Variants in THADA observed in about 807,000 individuals in gnomAD.
THADA encodes the protein tRNA (32-2'-O)-methyltransferase regulator THADA.
In THADA, 213 loss-of-function variants were observed where a neutral mutation model predicts 219.8. The observed-to-expected ratio is 0.97, with a 90% CI of 0.87 to 1.09. The LOEUF is 1.09. Ranked by LOEUF, THADA falls within the 50% of genes least tolerant of loss-of-function variation. The pLI, the probability that THADA is intolerant of heterozygous loss-of-function variation, is 0.00. For synonymous variants in THADA, 1,018 were observed against 828.9 expected, an observed-to-expected ratio of 1.23 and a Z score of -3.92; for missense variants, 2,956 against 2,311.3, an observed-to-expected ratio of 1.28 and a Z score of -5.72.
At chr2:43,532,018 G>A (rs1283462009) in intron 21 of THADA, among the ~76,000 whole-genome samples, 21 of 150,682 alleles carry the variant, frequency 1.4e-4, no homozygotes, top group African/African-American at 5.1e-4. Flanking sequence ...TTTAAAATCA[G>A]GAACAAGATA....
At chr2:43,319,922 T>C (rs772993311) in intron 31 of THADA, among the ~76,000 whole-genome samples, 1 of 152,162 alleles carries the variant, frequency 6.6e-6, no homozygotes, top group East Asian at 1.9e-4. Flanking sequence ...AAATCATGAT[T>C]AAAATAGAGC....
chr2:43,358,421 G>A (rs1345155750), intron 29 of THADA, among the ~76,000 whole-genome samples: 1 of 152,102 alleles, frequency 6.6e-6, no homozygotes, highest in Non-Finnish European at 1.5e-5. Flanking sequence ...TGTGCCCAAT[G>A]TGGCTGAAGA....
intron 26 of THADA, among the ~76,000 whole-genome samples, chr2:43,480,662 C>T (rs1444701747): frequency 2.0e-5 from 3 of 150,954 alleles, no homozygotes; most frequent in Admixed American, 6.6e-5. Context: ...AAAAAAATTT[C>T]AAAAAATTAG....
chr2:43,578,670 A>G, intron 8 of THADA, 63 bp from the exon 9 acceptor site: 1 of 1,257,208 alleles, frequency 8.0e-7, no homozygotes, highest in Admixed American at 2.1e-5. Context: ...GAGTGGAAAG[A>G]GCAGATGCTG....
At chr2:43,464,107 CA>C (rs1166488014) in intron 26 of THADA, among the ~76,000 whole-genome samples, 1 of 151,904 alleles carries the variant, frequency 6.6e-6, no homozygotes, top group Non-Finnish European at 1.5e-5. Context: ...GAAATAAATC[CA>C]CTTTTGTATG....
intron 30 of THADA, among the ~76,000 whole-genome samples, chr2:43,327,602 T>A (rs1041306539): frequency 2.0e-5 from 3 of 152,114 alleles, no homozygotes; most frequent in Non-Finnish European, 4.4e-5. Context: ...CTCCTGCCCT[T>A]TATTTAAAAT....
chr2:43,535,907 C>T lies in THADA; in HGVS notation c.3264+5252G>A, dbSNP rs561141745. Among the ~76,000 whole-genome samples the T allele has an allele frequency of 9.9e-5, 15 of 151,992 alleles. No homozygotes were observed. In the South Asian group the frequency reaches 2.3e-3, roughly 23 times the overall value. Reference sequence around the variant, plus strand: ...GCGATCTCTGCCTCCTGGGTTCAAGCGATTCTCCTGCCTCAGCCTCTCGAG... The same window carrying T: ...GCGATCTCTGCCTCCTGGGTTCAAGTGATTCTCCTGCCTCAGCCTCTCGAG... On this transcript the variant is annotated intron_variant, in intron 21 of 37. Coordinates refer to ENST00000405975, the MANE Select transcript of THADA (RefSeq NM_022065.5).
chr2:43,517,210 C>T (rs548659498), intron 22 of THADA, among the ~76,000 whole-genome samples: 1 of 152,216 alleles, frequency 6.6e-6, no homozygotes, highest in African/African-American at 2.4e-5. Context: ...ACCCCCACTC[C>T]CTTAGGGAAC....
intron 28 of THADA, among the ~76,000 whole-genome samples, chr2:43,410,764 T>C (rs1676186935): frequency 6.6e-6 from 1 of 152,148 alleles, no homozygotes; most frequent in South Asian, 2.1e-4. Context: ...TTACAAAGGA[T>C]GATGGCTATG....
At chr2:43,450,029 A>G (rs1682107582) in intron 26 of THADA, among the ~76,000 whole-genome samples, 2 of 152,234 alleles carry the variant, frequency 1.3e-5, no homozygotes, top group South Asian at 4.1e-4. Context: ...AAATATAAAA[A>G]GAGTCCTGAA....
intron 37 of THADA, among the ~76,000 whole-genome samples, chr2:43,232,142 ACT>A (rs1473481242): frequency 6.7e-6 from 1 of 149,212 alleles, no homozygotes; most frequent in Non-Finnish European, 1.5e-5. Context: ...CCATAATAAA[ACT>A]CTCCGCATCC....
At chr2:43,464,772 C>T (rs1206655939) in intron 26 of THADA, among the ~76,000 whole-genome samples, 2 of 152,242 alleles carry the variant, frequency 1.3e-5, no homozygotes, top group South Asian at 2.1e-4. Context: ...CCTCAGAACA[C>T]GCCCTGGCCT....
In THADA at chr2:43,397,518, C is replaced by T. The variant is rs561915274; in HGVS notation, c.4227+453G>A. Among the ~76,000 whole-genome samples the T allele has an allele frequency of 4.3e-4, 66 of 152,166 alleles. 1 individual carries two copies. In the South Asian group the frequency reaches 0.013, roughly 31 times the overall value. The stretch of plus-strand genomic sequence containing the variant: ...CAGAGAAAACAGGAAAGGTTCAATA[C>T]TTCCACGTACTAAGGTGCTGTGCCA... On this transcript the variant is annotated intron_variant, in intron 29 of 37. Transcript: ENST00000405975.
At position 43,501,306 on chromosome 2, in the gene THADA, C is replaced by CAAAA. The variant is rs1558864377; in HGVS notation, c.3622-2352_3622-2351insTTTT. Among the ~76,000 whole-genome samples the CAAAA allele has an allele frequency of 4.6e-3, 56 of 12,278 alleles. 1 individual carries two copies. Among genetic ancestry groups the CAAAA allele is most frequent in the African/African-American group, 0.014 (53 of 3,670 alleles). The allele number at this position is 12,278 out of a possible 152,430, so 8.1% of individuals were successfully genotyped here. ...GGGCAACAAAAGCGAAACTCCAACTCCAAAAAAAAAAAAAAAAAAAAAAAA... is the reference window on the plus strand; with the variant it reads ...GGGCAACAAAAGCGAAACTCCAACTCAAAACAAAAAAAAAAAAAAAAAAAAAAAA... On this transcript the variant is annotated intron_variant, in intron 24 of 37. Coordinates refer to ENST00000405975, the MANE Select transcript of THADA (RefSeq NM_022065.5).
chr2:43,508,160 G>C (rs1689940792), intron 23 of THADA, among the ~76,000 whole-genome samples: 1 of 152,028 alleles, frequency 6.6e-6, no homozygotes, highest in African/African-American at 2.4e-5. Flanking sequence ...TTAATGAGGT[G>C]AAATAACCAC....
chr2:43,402,732 C>G (rs1370634302), intron 28 of THADA, among the ~76,000 whole-genome samples: 1 of 152,182 alleles, frequency 6.6e-6, no homozygotes, highest in Non-Finnish European at 1.5e-5. Flanking sequence ...GTGTGGAAGA[C>G]AGAAGAACCA....
At chr2:43,522,596 C>T (rs1352280097) in intron 22 of THADA, among the ~76,000 whole-genome samples, 2 of 152,176 alleles carry the variant, frequency 1.3e-5, no homozygotes, top group Non-Finnish European at 2.9e-5. Flanking sequence ...AGAGGTTACT[C>T]ACTGAGAACA....
intron 33 of THADA, 75 bp downstream of exon 33, chr2:43,292,029 G>T: frequency 9.8e-7 from 1 of 1,024,390 alleles, no homozygotes; most frequent in Non-Finnish European, 1.4e-6. Flanking sequence ...GCAGGATTGT[G>T]TGCAAGTTCA....
intron 25 of THADA, among the ~76,000 whole-genome samples, chr2:43,498,248 T>C (rs1688511612): frequency 6.6e-6 from 1 of 152,058 alleles, no homozygotes; most frequent in South Asian, 2.1e-4. Context: ...TGGGAGTTAG[T>C]GTTTAATGAG....
Sources: gnomAD v4.1 joint callset for allele counts (sites outside exome capture counted in the v4.1 genomes callset) on GRCh38, gnomAD v4.1.1 for gene constraint, MANE v1.5 for transcripts, NCBI Gene and HGNC (gene_info 2026-07-23, HGNC 2026-07-21) for gene names.